Variants in ARHGAP10 observed in about 807,000 individuals in gnomAD.
ARHGAP10 encodes rho GTPase-activating protein 10.
ARHGAP10 carries 87 observed loss-of-function variants against 108.6 expected under a neutral mutation model. The observed-to-expected ratio is 0.80, with a 90% confidence interval of 0.67 to 0.96. The LOEUF (loss-of-function observed/expected upper bound fraction) is 0.96, where lower values mean the gene tolerates loss of function less well. ARHGAP10 is among the 40% of genes least tolerant of loss of function. The probability of loss-of-function intolerance (pLI) is 0.00; values close to 1 mark genes in which losing one functional copy is unlikely to be tolerated. For missense variants in ARHGAP10, 939 were observed against 954.5 expected (o/e 0.98, Z 0.21); for synonymous variants, 347 against 341.1 (o/e 1.02, Z -0.19).
intron 4 of ARHGAP10, among the ~76,000 whole-genome samples, chr4:147,854,443 C>T (rs1734008609): frequency 6.6e-6 from 1 of 152,200 alleles, no homozygotes; most frequent in Non-Finnish European, 1.5e-5. Flanking sequence ...CTCTCCCAGC[C>T]TGTTTCACTC....
At chr4:148,004,218 AG>A (rs1740852559) in intron 18 of ARHGAP10, among the ~76,000 whole-genome samples, 1 of 152,228 alleles carries the variant, frequency 6.6e-6, no homozygotes, top group African/African-American at 2.4e-5. Flanking sequence ...TAAGCTTTGA[AG>A]GGCATCTCTC....
chr4:147,752,175 G>A (rs147861889), intron 1 of ARHGAP10, among the ~76,000 whole-genome samples: 1 of 152,086 alleles, frequency 6.6e-6, no homozygotes, highest in Non-Finnish European at 1.5e-5. Context: ...GAGCCACAAC[G>A]CCTGGCCAAG....
At chr4:147,981,926 A>T (rs756525679) in intron 18 of ARHGAP10, among the ~76,000 whole-genome samples, 1 of 152,112 alleles carries the variant, frequency 6.6e-6, no homozygotes, top group African/African-American at 2.4e-5. Flanking sequence ...ATTTTCCTCC[A>T]TCCCTTTACT....
chr4:147,926,931 A>G (rs1235730995), intron 13 of ARHGAP10, among the ~76,000 whole-genome samples: 4 of 152,016 alleles, frequency 2.6e-5, no homozygotes, highest in Non-Finnish European at 5.9e-5. Context: ...CTTAGGTGTT[A>G]TTTTCTCATA....
intron 18 of ARHGAP10, among the ~76,000 whole-genome samples, chr4:148,006,214 C>A (rs147058138): frequency 1.3e-5 from 2 of 152,182 alleles, no homozygotes; most frequent in African/African-American, 4.8e-5. Flanking sequence ...CCATGCTCAC[C>A]GTGTAGAGAG....
At chr4:147,890,153 G>C (rs1735740566) in intron 10 of ARHGAP10, among the ~76,000 whole-genome samples, 1 of 152,198 alleles carries the variant, frequency 6.6e-6, no homozygotes, top group Non-Finnish European at 1.5e-5. Flanking sequence ...TGCAAGGGAG[G>C]CTTCTAAATC....
intron 10 of ARHGAP10, among the ~76,000 whole-genome samples, chr4:147,883,868 T>C (rs1735436540): frequency 6.6e-6 from 1 of 152,104 alleles, no homozygotes; most frequent in Admixed American, 6.5e-5. Context: ...CTAATTTTTG[T>C]ATTTTCAGTA....
At chr4:147,734,017 A>G (rs1159678182) in intron 1 of ARHGAP10, among the ~76,000 whole-genome samples, 2 of 150,646 alleles carry the variant, frequency 1.3e-5, no homozygotes, top group Admixed American at 6.6e-5. Context: ...GGGGGCGCCT[A>G]TACATATGGA....
rs76521020 is a variant in ARHGAP10 at position 147,743,269 on chromosome 4, G to T, written c.154+10814G>T. Among the ~76,000 whole-genome samples the T allele has an allele frequency of 2.1e-3, 316 of 152,032 alleles. 3 individuals carry two copies. In the East Asian group the frequency reaches 0.024, roughly 12 times the overall value. Reference sequence around the variant, plus strand: ...AGGATGGTCTCGAATGCTTGACCTCGTGATCCACCCGCCTCAGCCTCAAAG... The same window carrying T: ...AGGATGGTCTCGAATGCTTGACCTCTTGATCCACCCGCCTCAGCCTCAAAG... On this transcript the variant is annotated intron_variant, in intron 1 of 22. Coordinates refer to ENST00000336498, the MANE Select transcript of ARHGAP10 (RefSeq NM_024605.4).
intron 20 of ARHGAP10, among the ~76,000 whole-genome samples, chr4:148,054,643 G>A (rs762234717): frequency 1.3e-5 from 2 of 152,164 alleles, no homozygotes; most frequent in African/African-American, 4.8e-5. Flanking sequence ...ATTTATTCCC[G>A]GAGGACTCAG....
chr4:147,761,936 T>G (rs1213871817), intron 1 of ARHGAP10, among the ~76,000 whole-genome samples: 1 of 152,234 alleles, frequency 6.6e-6, no homozygotes, highest in African/African-American at 2.4e-5. Context: ...GTTCATTCTC[T>G]TGACTCTACT....
chr4:147,972,670 G>A (rs1010023546), intron 18 of ARHGAP10, among the ~76,000 whole-genome samples: 13 of 152,168 alleles, frequency 8.5e-5, no homozygotes, highest in African/African-American at 2.4e-4. Context: ...TGCCAGATAC[G>A]TCCCATGAGA....
chr4:147,770,814 C>T (rs752078847), intron 1 of ARHGAP10, among the ~76,000 whole-genome samples: 88 of 152,184 alleles, frequency 5.8e-4, no homozygotes, highest in Non-Finnish European at 8.7e-4. Context: ...CAGCCATAGC[C>T]GAGTACCACA....
intron 3 of ARHGAP10, among the ~76,000 whole-genome samples, chr4:147,836,954 A>G (rs1394340133): frequency 6.6e-6 from 1 of 152,208 alleles, no homozygotes; most frequent in Non-Finnish European, 1.5e-5. Context: ...AGAACTAGTT[A>G]GGGCAGAGCC....
chr4:148,022,800 T>A (rs1156618670), intron 18 of ARHGAP10, among the ~76,000 whole-genome samples: 1 of 152,264 alleles, frequency 6.6e-6, no homozygotes, highest in Non-Finnish European at 1.5e-5. Flanking sequence ...AAGCATAGGC[T>A]ATTTTTAAAT....
intron 3 of ARHGAP10, among the ~76,000 whole-genome samples, chr4:147,830,453 G>T (rs186348401): frequency 3.3e-5 from 5 of 150,384 alleles, no homozygotes; most frequent in Admixed American, 3.3e-4. Context: ...CTATTAGGTT[G>T]GTACAAAAGT....
At chr4:147,920,336 G>A (rs1737185471) in intron 13 of ARHGAP10, among the ~76,000 whole-genome samples, 1 of 151,730 alleles carries the variant, frequency 6.6e-6, no homozygotes, top group Admixed American at 6.6e-5. Flanking sequence ...AGAATGGTGT[G>A]AACCCGGGAG....
intron 10 of ARHGAP10, among the ~76,000 whole-genome samples, chr4:147,891,460 T>C (rs1219941827): frequency 1.3e-5 from 2 of 152,082 alleles, no homozygotes; most frequent in African/African-American, 4.8e-5. Context: ...TGGAAAGAAA[T>C]GGGGAGTGAT....
At chr4:147,840,572 G>A (rs1194154901) in intron 3 of ARHGAP10, among the ~76,000 whole-genome samples, 2 of 152,256 alleles carry the variant, frequency 1.3e-5, no homozygotes, top group South Asian at 2.1e-4. Context: ...GGATTCAGGC[G>A]GTATGTGTCA....
Sources: allele counts gnomAD v4.1 joint callset (sites outside exome capture counted in the v4.1 genomes callset), GRCh38; gene constraint gnomAD v4.1.1; transcripts MANE v1.5; gene names NCBI Gene and HGNC (gene_info 2026-07-23, HGNC 2026-07-21).